Variants in TRAP1 observed in about 807,000 individuals in gnomAD.
The protein encoded by TRAP1 is heat shock protein 75 kDa, mitochondrial.
In TRAP1, 102 loss-of-function variants were observed where a neutral mutation model predicts 89.1. The ratio of observed to expected loss-of-function variants is 1.15; its 90% CI spans 0.98 to 1.35. The LOEUF is 1.35. TRAP1 is among the 40% of genes most tolerant of loss of function. The pLI, the probability that TRAP1 is intolerant of heterozygous loss-of-function variation, is 0.00. For synonymous variants in TRAP1, 508 were observed against 388.0 expected, an observed-to-expected ratio of 1.31 and a Z score of -3.64; for missense variants, 1,256 against 945.3, an observed-to-expected ratio of 1.33 and a Z score of -4.31.
Position 3,672,778 on chromosome 16 carries a change from C to T in TRAP1, c.1087G>A (p.Val363Ile), listed in dbSNP as rs183666083. ...AGGACTTTGCGGCTGTACAGTGCAACGCTGGAGCCCAGCTCCCGGCTCACA... is the reference window on the plus strand; with the variant it reads ...AGGACTTTGCGGCTGTACAGTGCAATGCTGGAGCCCAGCTCCCGGCTCACA... ...FDVSRELGSS[V>I]ALYSRKVLIQ... is the part of the protein sequence containing the mutation. Residue 363 changes from valine to isoleucine, a missense_variant, in exon 10 of 18, where the codon GTT becomes ATT. Transcript: ENST00000246957. 114 of 1,612,672 alleles carry T rather than the reference C, an allele frequency of 7.1e-5. 2 individuals are homozygous for T. Among genetic ancestry groups the T allele is most frequent in the Admixed American group, 1.7e-4 (10 of 59,834 alleles).
chr16:3,708,672 C>G (rs776869895), intron 1 of TRAP1, among the ~76,000 whole-genome samples: 1 of 151,660 alleles, frequency 6.6e-6, no homozygotes, highest in Non-Finnish European at 1.5e-5. Context: ...ATAAATGAGC[C>G]GGGCATGGTG....
intron 7 of TRAP1, among the ~76,000 whole-genome samples, chr16:3,675,769 C>T (rs769973910): frequency 2.0e-5 from 3 of 152,238 alleles, no homozygotes; most frequent in Admixed American, 6.5e-5. Context: ...GCCAAACCCC[C>T]AGGTGCACTA....
At chr16:3,696,217 A>G (rs1189156696) in intron 1 of TRAP1, among the ~76,000 whole-genome samples, 1 of 152,108 alleles carries the variant, frequency 6.6e-6, no homozygotes, top group African/African-American at 2.4e-5. Context: ...CCTCTCTCCA[A>G]AAACAGGAAC....
intron 13 of TRAP1, 131 bp downstream of exon 13, chr16:3,664,143 G>C (rs1159685227): frequency 2.1e-6 from 2 of 961,868 alleles, no homozygotes; most frequent in African/African-American, 1.7e-5. Flanking sequence ...CGGCCTCTGT[G>C]CCCGTGACCC....
intron 3 of TRAP1, 99 bp downstream of exon 3, chr16:3,688,956 C>A: frequency 9.0e-7 from 1 of 1,111,072 alleles, no homozygotes. Flanking sequence ...TGCTTTCTCA[C>A]AGCTAATATA....
intron 5 of TRAP1, 67 bp from the exon 6 acceptor site, chr16:3,677,725 G>A: frequency 1.3e-6 from 2 of 1,550,908 alleles, no homozygotes; most frequent in East Asian, 2.2e-5. Context: ...CAACACCGTG[G>A]CTCTTCTGCG....
chr16:3,664,169 C>A, intron 13 of TRAP1, 105 bp downstream of exon 13: 1 of 1,262,110 alleles, frequency 7.9e-7, no homozygotes, highest in Non-Finnish European at 1.1e-6. Context: ...CACTGTGCAG[C>A]CCTGCCCGGA....
At chr16:3,668,912 C>G (rs2050873678) in intron 11 of TRAP1, among the ~76,000 whole-genome samples, 1 of 152,248 alleles carries the variant, frequency 6.6e-6, no homozygotes, top group South Asian at 2.1e-4. Flanking sequence ...GAGAGGAACG[C>G]AGCCGCCTCG....
chr16:3,706,754 C>G (rs953073252), intron 1 of TRAP1, among the ~76,000 whole-genome samples: 1 of 152,148 alleles, frequency 6.6e-6, no homozygotes, highest in Non-Finnish European at 1.5e-5. Context: ...ACCAACCGCA[C>G]CCAGCCTCGT....
At chr16:3,697,349 T>G (rs2051302502) in intron 1 of TRAP1, among the ~76,000 whole-genome samples, 1 of 152,130 alleles carries the variant, frequency 6.6e-6, no homozygotes, top group South Asian at 2.1e-4. Flanking sequence ...TCTTATTGAT[T>G]TGTAAGAGCT....
chr16:3,689,923 G>A (rs1057349184), intron 2 of TRAP1: 7 of 152,246 alleles, frequency 4.6e-5, no homozygotes, highest in African/African-American at 1.7e-4. Context: ...GACATGCCTC[G>A]GGCTATGTCG....
chr16:3,684,828 C>T (rs935804129), intron 4 of TRAP1, among the ~76,000 whole-genome samples: 24 of 152,156 alleles, frequency 1.6e-4, no homozygotes, highest in Non-Finnish European at 1.0e-4. Flanking sequence ...TGGACCATGA[C>T]GCTCCCATCG....
rs188205747 is a variant in TRAP1, at chr16:3,706,631, A to T, written c.88+10790T>A. On this transcript the variant is annotated intron_variant, in intron 1 of 17. Transcript: ENST00000246957. ...TGTGCCACCACACCCAGCAATTTTT[A>T]AAAATTTTTTTTCGAGATGGAGTCT... is the stretch of plus-strand genomic sequence containing the variant. Among the ~76,000 whole-genome samples, 632 of 151,670 alleles carry T rather than the reference A, an allele frequency of 4.2e-3. 7 individuals are homozygous for T. Among genetic ancestry groups the T allele is most frequent in the African/African-American group, 0.015 (603 of 41,372 alleles).
chr16:3,674,497 G>A lies in TRAP1; in HGVS notation c.889-3C>T, dbSNP rs2050960512. ...TTGGGGTCCATCATCCAGATGGCCT[G>A]GAAACGGAGATCGGCGGGGAGGGCG... On this transcript the variant is annotated splice_polypyrimidine_tract_variant and splice_region_variant and intron_variant, in intron 8 of 17. Transcript: ENST00000246957. 6.2e-7 allele frequency: 1 copy of A among 1,613,764 alleles called. No homozygotes were observed. The highest frequency in any genetic ancestry group is 1.3e-5 in the African/African-American group (1 of 75,064).
At chr16:3,709,013 C>T (rs2151283969) in intron 1 of TRAP1, among the ~76,000 whole-genome samples, 1 of 151,838 alleles carries the variant, frequency 6.6e-6, no homozygotes, top group East Asian at 2.0e-4. Context: ...GATGGGGTTT[C>T]ACCGTGTTAG....
At chr16:3,695,829 G>A (rs550705222) in intron 1 of TRAP1, among the ~76,000 whole-genome samples, 1 of 152,282 alleles carries the variant, frequency 6.6e-6, no homozygotes, top group Non-Finnish European at 1.5e-5. Flanking sequence ...AGATCAAGCG[G>A]AAAAGCTGAT....
chr16:3,699,788 C>T (rs1442663779), intron 1 of TRAP1, among the ~76,000 whole-genome samples: 2 of 151,914 alleles, frequency 1.3e-5, no homozygotes, highest in South Asian at 4.2e-4. Context: ...CTGCTTTACT[C>T]TCCTGAACAG....
At chr16:3,694,656 A>C (rs558988755) in intron 1 of TRAP1, among the ~76,000 whole-genome samples, 16 of 152,186 alleles carry the variant, frequency 1.1e-4, no homozygotes, top group African/African-American at 1.7e-4. Context: ...AAAAAGAATA[A>C]AAATAGAGAC....
At chr16:3,676,530 C>T (rs929146820) in intron 6 of TRAP1, 1 of 163,852 alleles carries the variant, frequency 6.1e-6, no homozygotes, top group Non-Finnish European at 1.3e-5. Context: ...ACAGGCGCCC[C>T]CTAAGAAGAG....
Sources: allele counts gnomAD v4.1 joint callset (sites outside exome capture counted in the v4.1 genomes callset), GRCh38; gene constraint gnomAD v4.1.1; transcripts MANE v1.5; gene names NCBI Gene and HGNC (gene_info 2026-07-23, HGNC 2026-07-21).